Variants in BLTP3A observed in about 807,000 individuals in gnomAD.
The protein encoded by BLTP3A is ICBP90 binding protein 1.
the BLTP3A span, among the ~76,000 whole-genome samples, chr6:34,793,925 A>C: frequency 2.0e-5 from 1 of 49,156 alleles, no homozygotes; most frequent in Non-Finnish European, 3.5e-5. Flanking sequence ...CAAGGGTACA[A>C]AAAAAAAAAA....
At chr6:34,867,684 C>A in the BLTP3A span, 8 of 1,534,058 alleles carry the variant, frequency 5.2e-6, no homozygotes, top group African/African-American at 9.6e-5. Flanking sequence ...TTAACTTGTA[C>A]TTGTCACTGT....
chr6:34,824,362 GTTTCTACTAAAAATAAAAACTCCA>G, the BLTP3A span, among the ~76,000 whole-genome samples: 1 of 151,682 alleles, frequency 6.6e-6, no homozygotes, highest in Non-Finnish European at 1.5e-5. Context: ...GTGAAACCCC[GTTTCTACTAAAAATAAAAACTCCA>G]TTTCTACTAA....
At chr6:34,812,356 A>T in the BLTP3A span, among the ~76,000 whole-genome samples, 1 of 151,306 alleles carries the variant, frequency 6.6e-6, no homozygotes, top group African/African-American at 2.4e-5. Flanking sequence ...GAGATGAGCC[A>T]CTGTATGGAA....
At chr6:34,834,084 A>G in the BLTP3A span, 2 of 994,654 alleles carry the variant, frequency 2.0e-6, no homozygotes, top group Non-Finnish European at 2.9e-6. Flanking sequence ...CTTGGGTAAC[A>G]GAGCAAGAAC....
chr6:34,871,994 C>T, the BLTP3A span: 15 of 1,506,644 alleles, frequency 1.0e-5, no homozygotes, highest in South Asian at 8.4e-5. Flanking sequence ...TGGTAAAACC[C>T]GGGGTTGGGG....
At chr6:34,802,924 C>G in the BLTP3A span, among the ~76,000 whole-genome samples, 13 of 152,166 alleles carry the variant, frequency 8.5e-5, no homozygotes, top group East Asian at 2.5e-3. Context: ...ACCTATAATC[C>G]TAGCCCTTTG....
the BLTP3A span, among the ~76,000 whole-genome samples, chr6:34,853,484 G>T: frequency 0.018 from 2,696 of 152,158 alleles, 34 homozygotes; most frequent in Non-Finnish European, 0.027. Flanking sequence ...GTTCAATTTG[G>T]TGTTCTTGCT....
chr6:34,792,442 G>A, the BLTP3A span: 6 of 796,986 alleles, frequency 7.5e-6, no homozygotes, highest in African/African-American at 7.3e-5. Context: ...CTCGAGCCCG[G>A]ACAGCTTCCC....
chr6:34,817,391 G>A, the BLTP3A span, among the ~76,000 whole-genome samples: 2 of 152,198 alleles, frequency 1.3e-5, no homozygotes, highest in Non-Finnish European at 2.9e-5. Flanking sequence ...ATTTTTTAAA[G>A]TGAATTAAAA....
At chr6:34,815,089 T>A in the BLTP3A span, among the ~76,000 whole-genome samples, 2 of 152,216 alleles carry the variant, frequency 1.3e-5, no homozygotes, top group Non-Finnish European at 2.9e-5. Context: ...ATACCTCATG[T>A]GGGATATTGC....
the BLTP3A span, chr6:34,834,248 G>A: frequency 3.1e-6 from 5 of 1,613,970 alleles, no homozygotes; most frequent in Non-Finnish European, 4.2e-6. Context: ...GGTGGTGGAA[G>A]GGATGTTCAT....
chr6:34,795,029 C>T, the BLTP3A span, among the ~76,000 whole-genome samples: 1 of 152,008 alleles, frequency 6.6e-6, no homozygotes, highest in South Asian at 2.1e-4. Context: ...CCTCGTGATC[C>T]ACCTGCCTCG....
the BLTP3A span, among the ~76,000 whole-genome samples, chr6:34,792,497 C>G: frequency 6.6e-6 from 1 of 152,200 alleles, no homozygotes; most frequent in Non-Finnish European, 1.5e-5. Flanking sequence ...CTGTGCTTCC[C>G]CCGCGCTGGG....
the BLTP3A span, among the ~76,000 whole-genome samples, chr6:34,797,500 G>A: frequency 2.6e-5 from 4 of 152,164 alleles, no homozygotes; most frequent in Admixed American, 6.5e-5. Flanking sequence ...GGAGTTCCAG[G>A]CTCAGAGAGG....
the BLTP3A span, among the ~76,000 whole-genome samples, chr6:34,849,681 G>T: frequency 6.6e-6 from 1 of 152,096 alleles, no homozygotes; most frequent in Admixed American, 6.5e-5. Flanking sequence ...ACCATCAGAT[G>T]ATTTCTTATT....
At chr6:34,802,299 G>A in the BLTP3A span, among the ~76,000 whole-genome samples, 105 of 150,920 alleles carry the variant, frequency 7.0e-4, no homozygotes, top group African/African-American at 2.5e-3. Flanking sequence ...TCTGCCTCCC[G>A]GGGTTCAAGC....
chr6:34,825,123 T>C, the BLTP3A span, among the ~76,000 whole-genome samples: 1 of 152,212 alleles, frequency 6.6e-6, no homozygotes, highest in Non-Finnish European at 1.5e-5. Context: ...AGGTAATCTT[T>C]TCTAAAGAAT....
chr6:34,871,807 T>A, the BLTP3A span: 1 of 1,613,642 alleles, frequency 6.2e-7, no homozygotes, highest in Non-Finnish European at 8.5e-7. Flanking sequence ...AACCTTTACT[T>A]GTTTTCTCCA....
chr6:34,862,442 A>C, the BLTP3A span, among the ~76,000 whole-genome samples: 2 of 152,220 alleles, frequency 1.3e-5, no homozygotes. Flanking sequence ...CAAATGCTAC[A>C]AACATTTTTA....
Sources: allele counts gnomAD v4.1 joint callset (sites outside exome capture counted in the v4.1 genomes callset), GRCh38; gene constraint gnomAD v4.1.1; transcripts MANE v1.5; gene names NCBI Gene and HGNC (gene_info 2026-07-23, HGNC 2026-07-21).